The following GAN variants were observed in gnomAD, a reference collection of about 807,000 sequenced individuals.
GAN encodes epididymis secretory sperm binding protein.
In GAN, 48 loss-of-function variants were observed where a neutral mutation model predicts 71.3. The ratio of observed to expected loss-of-function variants is 0.67; its 90% confidence interval spans 0.53 to 0.86. The LOEUF (loss-of-function observed/expected upper bound fraction) is 0.86, where lower values mean the gene tolerates loss of function less well. Among genes scored for constraint, GAN ranks in the 40% least tolerant of loss-of-function variants. GAN has a pLI of 0.00. For synonymous variants in GAN, 386 were observed against 276.8 expected (o/e 1.39, Z -3.92); for missense variants, 928 against 770.1 (o/e 1.21, Z -2.43).
chr16:81,363,454 C>T (rs562920005), intron 6 of GAN, among the ~76,000 whole-genome samples: 2 of 147,300 alleles, frequency 1.4e-5, no homozygotes, highest in Non-Finnish European at 3.0e-5. Flanking sequence ...GAACGTGGTA[C>T]TTCCATGCTG....
At chr16:81,357,464 C>G (rs971144746) in intron 4 of GAN, among the ~76,000 whole-genome samples, 2 of 152,142 alleles carry the variant, frequency 1.3e-5, no homozygotes, top group African/African-American at 4.8e-5. Flanking sequence ...GCATAGTATT[C>G]CATGGTGTAT....
chr16:81,343,583 A>G lies in GAN; in HGVS notation c.168-8000A>G, dbSNP rs182279752. On this transcript the variant is annotated intron_variant, in intron 1 of 10. Transcript: ENST00000648994. Reference sequence around the variant, plus strand: ...AATTTGGCAGCCTTTCATGGTAAAAACTCTCAATAAACTAGGTATTGGTGG... The same window carrying G: ...AATTTGGCAGCCTTTCATGGTAAAAGCTCTCAATAAACTAGGTATTGGTGG... Among the ~76,000 whole-genome samples, 526 of 152,220 alleles carry G rather than the reference A, an allele frequency of 3.5e-3. 2 individuals are homozygous for G. Among genetic ancestry groups the G allele is most frequent in the South Asian group, 7.7e-3 (37 of 4,824 alleles).
At chr16:81,343,353 A>G (rs572396729) in intron 1 of GAN, among the ~76,000 whole-genome samples, 29 of 152,338 alleles carry the variant, frequency 1.9e-4, no homozygotes, top group African/African-American at 6.5e-4. Flanking sequence ...ATGAACATTG[A>G]TGTGAAAATC....
chr16:81,343,660 C>T (rs935416068), intron 1 of GAN, among the ~76,000 whole-genome samples: 2 of 152,182 alleles, frequency 1.3e-5, no homozygotes, highest in African/African-American at 4.8e-5. Flanking sequence ...GAGCCAATAT[C>T]ATCCTGAATG....
In GAN at chr16:81,380,980, G is replaced by A. The variant is rs1190983347; in HGVS notation, c.*3384G>A. 6.6e-6 allele frequency: 1 copy of A among 152,092 alleles called. No individual in the cohort carries two copies. Among genetic ancestry groups the A allele is most frequent in the Non-Finnish European group, 1.5e-5 (1 of 68,006 alleles). 9.4% of individuals were successfully genotyped at this position (152,092 alleles called of 1,614,324 possible). ...TTGGGGGTATGTTGGATGGTGTTTT[G>A]TTTGTAAACACTTTGTTATATTGCA... is the stretch of plus-strand genomic sequence containing the variant. On this transcript the variant is annotated 3_prime_UTR_variant, in exon 11 of 11. Coordinates refer to ENST00000648994, the MANE Select transcript of GAN (RefSeq NM_022041.4).
intron 1 of GAN, among the ~76,000 whole-genome samples, chr16:81,334,474 A>T (rs544497721): frequency 6.6e-6 from 1 of 152,194 alleles, no homozygotes; most frequent in Non-Finnish European, 1.5e-5. Flanking sequence ...GGCAGGGCAC[A>T]TGTGGTATTG....
chr16:81,365,158 G>T lies in GAN; in HGVS notation c.1373+48G>T. ...TTGTAGATTCCCTTGCTGTTCACTG[G>T]GTCTGGAGCCCCTTACCCTGCCTGG... On this transcript the variant is annotated intron_variant, in intron 8 of 10. Coordinates refer to ENST00000648994, the MANE Select transcript of GAN (RefSeq NM_022041.4). 1.9e-6 allele frequency: 3 copies of T among 1,599,880 alleles called. No homozygotes were observed. In the South Asian group the frequency reaches 3.3e-5, roughly 18 times the overall value.
In GAN at chr16:81,377,309, T is replaced by G. The variant is rs141592516; in HGVS notation, c.1593T>G (p.Val531=). The G allele has an allele frequency of 2.3e-4, 372 of 1,599,968 alleles. No homozygotes were observed. Among genetic ancestry groups the G allele is most frequent in the Non-Finnish European group, 2.8e-4 (328 of 1,167,224 alleles). ...TACCTATAGGAGCCAGTATTTATGT[T>G]ATTGGAGATCTTGATACAGGTAAGA... ...GAVPIGASIY[V]IGDLDTGTNY... The change falls in exon 10 of 11, where the codon GTT becomes GTG. Residue 531 remains valine, a synonymous_variant. Coordinates refer to ENST00000648994, the MANE Select transcript of GAN (RefSeq NM_022041.4).
At chr16:81,365,904 C>G (rs1256600470) in intron 9 of GAN, among the ~76,000 whole-genome samples, 1 of 152,022 alleles carries the variant, frequency 6.6e-6, no homozygotes, top group Non-Finnish European at 1.5e-5. Context: ...TAAATAAACT[C>G]CTTAACTTAG....
In GAN at chr16:81,365,487, G is replaced by GA. The variant is rs753663291; in HGVS notation, c.1502+11dup. 3.7e-6 allele frequency: 6 copies of GA among 1,612,900 alleles called. No individual in the cohort carries two copies. The African/African-American group carries it at 8.0e-5, about 22-fold the overall frequency. ...CATGATGAGTTTAAAAGGTAACTAA[G>GA]AATGGTTTCACATAGCTACTGCAAC... On this transcript the variant is annotated intron_variant, in intron 9 of 10. Transcript: ENST00000648994.
rs768875907 is a variant in GAN at position 81,356,906 on chromosome 16, C to T, written c.755C>T (p.Pro252Leu). ...ATTGTCAAAGAGTGTAGCAATATAC[C>T]GCTCAGCCAGCCGCAGCAAGGGGAG... is the stretch of plus-strand genomic sequence containing the variant. Reference protein sequence around the residue: ...REIVKECSNIPLSQPQQGEAM... With the variant: ...REIVKECSNILLSQPQQGEAM... The change falls in exon 4 of 11, where the codon CCG (proline) becomes CTG (leucine). Residue 252 changes from proline (P) to leucine (L), a missense_variant. Pro to Leu is a moderately conservative substitution (Grantham distance 98, BLOSUM62 -3). Transcript: ENST00000648994. 28 of 1,613,600 alleles carry T rather than the reference C, an allele frequency of 1.7e-5. No homozygotes were observed. The highest frequency in any genetic ancestry group is 6.7e-5 in the Admixed American group (4 of 59,978).
chr16:81,369,705 C>T (rs147432851), intron 9 of GAN, among the ~76,000 whole-genome samples: 4,653 of 152,280 alleles, frequency 0.031, 111 homozygotes, highest in Non-Finnish European at 0.048. Context: ...CATTCTCCTG[C>T]CTCAGCCTCC....
At chr16:81,332,089 A>C (rs1278332075) in intron 1 of GAN, among the ~76,000 whole-genome samples, 1 of 150,826 alleles carries the variant, frequency 6.6e-6, no homozygotes, top group Admixed American at 6.6e-5. Flanking sequence ...TGAACCTGGG[A>C]GGCAGAGGTT....
intron 9 of GAN, among the ~76,000 whole-genome samples, chr16:81,366,212 A>G (rs1175033549): frequency 1.3e-5 from 2 of 152,202 alleles, no homozygotes; most frequent in African/African-American, 4.8e-5. Context: ...GTTAACTGCA[A>G]GCAACTTCAG....
chr16:81,358,344 G>T (rs1260037748), intron 5 of GAN, among the ~76,000 whole-genome samples: 1 of 152,190 alleles, frequency 6.6e-6, no homozygotes, highest in East Asian at 1.9e-4. Flanking sequence ...GCCGAGTGTG[G>T]TGGCTCACAC....
intron 1 of GAN, among the ~76,000 whole-genome samples, chr16:81,333,992 A>G (rs546045690): frequency 3.9e-5 from 6 of 152,206 alleles, no homozygotes; most frequent in Non-Finnish European, 8.8e-5. Flanking sequence ...TTCCCGTTTC[A>G]TTTGTAATTC....
chr16:81,325,730 G>C (rs1909363908), intron 1 of GAN, among the ~76,000 whole-genome samples: 1 of 152,150 alleles, frequency 6.6e-6, no homozygotes, highest in African/African-American at 2.4e-5. Context: ...TGAGAACTAA[G>C]AATGAAGAAA....
chr16:81,369,394 C>T (rs570700614), intron 9 of GAN, among the ~76,000 whole-genome samples: 1 of 152,186 alleles, frequency 6.6e-6, no homozygotes, highest in African/African-American at 2.4e-5. Flanking sequence ...GAGGTGATGC[C>T]TATCACATCC....
intron 4 of GAN, 139 bp downstream of exon 4, chr16:81,357,141 A>T: frequency 1.4e-6 from 1 of 703,218 alleles, no homozygotes; most frequent in South Asian, 1.5e-5. Context: ...GTTTTAGGGT[A>T]CATGTGCACA....
Sources: gnomAD v4.1 joint callset for allele counts (sites outside exome capture counted in the v4.1 genomes callset) on GRCh38, gnomAD v4.1.1 for gene constraint, MANE v1.5 for transcripts, NCBI Gene and HGNC (gene_info 2026-07-23, HGNC 2026-07-21) for gene names.